Variants in HDAC9 observed in about 807,000 individuals in gnomAD.
The protein encoded by HDAC9 is histone deacetylase 9, also known as MEF-2 interacting transcription repressor (MITR) protein.
A neutral mutation model predicts 139.4 loss-of-function variants in HDAC9; 41 were observed. That is an observed-to-expected ratio of 0.29 (90% confidence interval 0.23 to 0.38). HDAC9 has a LOEUF of 0.38. Ranked by LOEUF, HDAC9 falls within the 10% of genes least tolerant of loss-of-function variation. The pLI, the probability that HDAC9 is intolerant of heterozygous loss-of-function variation, is 1.00. For synonymous variants in HDAC9, 517 were observed against 476.2 expected, an observed-to-expected ratio of 1.09 and a Z score of -1.12; for missense variants, 1,147 against 1,297.0, an observed-to-expected ratio of 0.88 and a Z score of 1.78.
chr7:18,635,356 A>T (rs1783566859), intron 8 of HDAC9, among the ~76,000 whole-genome samples: 1 of 152,030 alleles, frequency 6.6e-6, no homozygotes, highest in Non-Finnish European at 1.5e-5. Flanking sequence ...TGCTATATTC[A>T]AGTCATTTTG....
Position 18,647,453 on chromosome 7 carries a change from C to T in HDAC9, c.1036-332C>T, listed in dbSNP as rs185976895. ...CACATGTACAATATATTGTTATTAA[C>T]TGTAGTCATCATCATGTACAACAGA... On this transcript the variant is annotated intron_variant, in intron 9 of 25. Coordinates refer to ENST00000686413, the MANE Select transcript of HDAC9 (RefSeq NM_178425.4). Among the ~76,000 whole-genome samples the T allele has an allele frequency of 7.0e-4, 107 of 152,174 alleles. 3 individuals are homozygous for T. The highest frequency in any genetic ancestry group is 6.8e-3 in the Middle Eastern group (2 of 294).
At position 18,408,045 on chromosome 7, in the gene HDAC9, G is replaced by A. The variant is rs1403525009; in HGVS notation, c.-41-88217G>A. 3.9e-5 allele frequency among the ~76,000 whole-genome samples: 6 copies of A among 152,062 alleles called. No homozygotes were observed. In the East Asian group the frequency reaches 1.2e-3, roughly 29 times the overall value. On this transcript the variant is annotated intron_variant, in intron 1 of 3. Transcript: ENST00000413509. The stretch of plus-strand genomic sequence containing the variant: ...GTACTTACGTCGTGGAATTATTGAG[G>A]GGATTAAATGAGATGATGTATGTAT...
intron 6 of HDAC9, among the ~76,000 whole-genome samples, chr7:18,603,135 G>T (rs1171073153): frequency 6.6e-6 from 1 of 152,072 alleles, no homozygotes; most frequent in South Asian, 2.1e-4. Context: ...ACATCCTTCT[G>T]TTTAGTGTGA....
intron 24 of HDAC9, among the ~76,000 whole-genome samples, chr7:18,963,881 C>T (rs1783684688): frequency 6.6e-6 from 1 of 152,148 alleles, no homozygotes; most frequent in African/African-American, 2.4e-5. Flanking sequence ...CTCATTTCTC[C>T]TCATTCATTG....
At chr7:18,577,666 A>T (rs1165080159) in intron 2 of HDAC9, among the ~76,000 whole-genome samples, 1 of 152,144 alleles carries the variant, frequency 6.6e-6, no homozygotes, top group African/African-American at 2.4e-5. Flanking sequence ...TTAGCAGAGT[A>T]ATAGCATATG....
intron 2 of HDAC9, among the ~76,000 whole-genome samples, chr7:18,256,014 G>C (rs562024512): frequency 8.3e-4 from 126 of 152,184 alleles, no homozygotes; most frequent in African/African-American, 3.0e-3. Context: ...TTGCTGAGAT[G>C]ATTTCATGAT....
chr7:18,981,396 A>G (rs374244186), intron 25 of HDAC9, among the ~76,000 whole-genome samples: 5 of 152,344 alleles, frequency 3.3e-5, no homozygotes, highest in East Asian at 3.9e-4. Context: ...ATACCTTTTT[A>G]CAGCAGCAGT....
At chr7:18,922,098 A>G (rs1025113189) in intron 22 of HDAC9, among the ~76,000 whole-genome samples, 5 of 148,908 alleles carry the variant, frequency 3.4e-5, no homozygotes, top group South Asian at 2.2e-4. Context: ...GGAGGGGGGA[A>G]GGATAGCATT....
intron 16 of HDAC9, 83 bp from the exon 17 acceptor site, chr7:18,793,262 C>A: frequency 1.1e-6 from 1 of 930,662 alleles, no homozygotes. Context: ...CCCCTGCGAC[C>A]TCTTCCCCTT....
rs371298038 is a variant in HDAC9 at position 18,793,294 on chromosome 7, T to G, written c.2215-51T>G. On this transcript the variant is annotated intron_variant, in intron 16 of 25. Transcript: ENST00000686413. Reference sequence around the variant, plus strand: ...CCTTTTACCCCTTTCATCTCTTCCTTCTCTTTCGCTTTCTTCTTCTGTCTT... The same window carrying G: ...CCTTTTACCCCTTTCATCTCTTCCTGCTCTTTCGCTTTCTTCTTCTGTCTT... The G allele has an allele frequency of 2.8e-5, 36 of 1,285,774 alleles. No individual in the cohort carries two copies. In the African/African-American group the frequency reaches 5.3e-4, roughly 19 times the overall value. The allele number at this position is 1,285,774 out of a possible 1,614,324, so 79.6% of individuals were successfully genotyped here.
Position 18,720,445 on chromosome 7 carries a change from C to T in HDAC9, c.1732-7135C>T, listed in dbSNP as rs138317642. Among the ~76,000 whole-genome samples the T allele has an allele frequency of 5.2e-4, 79 of 151,606 alleles. 1 individual carries two copies. In the East Asian group the frequency reaches 7.3e-3, roughly 14 times the overall value. On this transcript the variant is annotated intron_variant, in intron 12 of 25. Transcript: ENST00000686413. Reference sequence around the variant, plus strand: ...TTTTCAGTCCCTTTAGTGTCATTAACGGCTTTCTTACTGAGTGAATTCAAA... The same window carrying T: ...TTTTCAGTCCCTTTAGTGTCATTAATGGCTTTCTTACTGAGTGAATTCAAA...
At chr7:18,554,548 G>A (rs1583327741) in intron 2 of HDAC9, among the ~76,000 whole-genome samples, 1 of 152,020 alleles carries the variant, frequency 6.6e-6, no homozygotes, top group Admixed American at 6.6e-5. Context: ...TGTTAGCCAG[G>A]ATGGTCTCTA....
chr7:18,945,501 A>G (rs1461594591), intron 23 of HDAC9, among the ~76,000 whole-genome samples: 1 of 152,226 alleles, frequency 6.6e-6, no homozygotes, highest in Non-Finnish European at 1.5e-5. Context: ...GGTATAATTT[A>G]TCAATCTTTT....
chr7:18,772,502 T>G (rs1386021453), intron 16 of HDAC9, among the ~76,000 whole-genome samples: 1 of 152,054 alleles, frequency 6.6e-6, no homozygotes, highest in Non-Finnish European at 1.5e-5. Context: ...CATCTGCTTC[T>G]CACATGCAGT....
At chr7:18,223,356 T>G (rs1484539306) in intron 2 of HDAC9, among the ~76,000 whole-genome samples, 1 of 152,114 alleles carries the variant, frequency 6.6e-6, no homozygotes, top group East Asian at 1.9e-4. Flanking sequence ...GGTTTCTGGC[T>G]TTTGTTTGCA....
At chr7:18,775,922 G>A (rs1790729060) in intron 16 of HDAC9, among the ~76,000 whole-genome samples, 1 of 151,782 alleles carries the variant, frequency 6.6e-6, no homozygotes, top group Non-Finnish European at 1.5e-5. Flanking sequence ...TCTTTGATGG[G>A]GGCATCCAAT....
chr7:18,410,501 A>G (rs1262033993), intron 1 of HDAC9, among the ~76,000 whole-genome samples: 1 of 152,188 alleles, frequency 6.6e-6, no homozygotes, highest in African/African-American at 2.4e-5. Flanking sequence ...TGTGCATATA[A>G]TTGTATATGA....
At chr7:18,803,587 C>T (rs1466404948) in intron 17 of HDAC9, among the ~76,000 whole-genome samples, 2 of 152,140 alleles carry the variant, frequency 1.3e-5, no homozygotes. Flanking sequence ...TCTCTCAGCA[C>T]TTTAAATATC....
intron 17 of HDAC9, among the ~76,000 whole-genome samples, chr7:18,818,222 T>C (rs1735822566): frequency 1.3e-5 from 2 of 152,206 alleles, no homozygotes; most frequent in Admixed American, 1.3e-4. Flanking sequence ...ACCTTAGTGC[T>C]GATACTTAAG....
Sources: gnomAD v4.1 joint callset for allele counts (sites outside exome capture counted in the v4.1 genomes callset) on GRCh38, gnomAD v4.1.1 for gene constraint, MANE v1.5 for transcripts, NCBI Gene and HGNC (gene_info 2026-07-23, HGNC 2026-07-21) for gene names.